The following INTS9 variants were observed in gnomAD, a reference collection of about 807,000 sequenced individuals.
The protein encoded by INTS9 is integrator complex subunit 9, also known as protein related to CPSF subunits of 74 kDa.
A neutral mutation model predicts 79.7 loss-of-function variants in INTS9; 55 were observed. That is an observed-to-expected ratio of 0.69 (90% CI 0.56 to 0.86). INTS9 has a LOEUF of 0.86. INTS9 is among the 40% of genes least tolerant of loss of function. The pLI, the probability that INTS9 is intolerant of heterozygous loss-of-function variation, is 0.00. For synonymous variants in INTS9, 319 were observed against 325.2 expected (o/e 0.98, Z 0.20); for missense variants, 721 against 831.5 (o/e 0.87, Z 1.64).
At chr8:28,781,451 G>C (rs1803259909) in intron 11 of INTS9, among the ~76,000 whole-genome samples, 2 of 152,160 alleles carry the variant, frequency 1.3e-5, no homozygotes, top group Non-Finnish European at 1.5e-5. Context: ...AATGCAAAAG[G>C]ATACAGCCAC....
intron 9 of INTS9, 91 bp downstream of exon 9, chr8:28,796,453 C>A: frequency 1.4e-6 from 1 of 732,156 alleles, no homozygotes; most frequent in Admixed American, 2.4e-5. Flanking sequence ...TGTAAGCACT[C>A]CTTCCCCCAT....
intron 1 of INTS9, among the ~76,000 whole-genome samples, chr8:28,868,916 T>A (rs542068526): frequency 6.6e-6 from 1 of 152,130 alleles, no homozygotes; most frequent in East Asian, 1.9e-4. Flanking sequence ...CTGGCCAACA[T>A]GGCGAAACCC....
chr8:28,877,395 C>G (rs1809455958), intron 1 of INTS9, among the ~76,000 whole-genome samples: 1 of 151,830 alleles, frequency 6.6e-6, no homozygotes, highest in South Asian at 2.1e-4. Flanking sequence ...TTTCACTTTT[C>G]AGTGAGAAAA....
intron 1 of INTS9, among the ~76,000 whole-genome samples, chr8:28,878,376 G>A (rs569987460): frequency 1.3e-5 from 2 of 151,806 alleles, no homozygotes; most frequent in Admixed American, 1.3e-4. Flanking sequence ...GCAGTGGAGC[G>A]ATCATGGTTA....
intron 1 of INTS9, among the ~76,000 whole-genome samples, chr8:28,866,049 A>G (rs150303328): frequency 1.1e-3 from 161 of 152,256 alleles, no homozygotes; most frequent in African/African-American, 3.8e-3. Flanking sequence ...TATTTAGCCA[A>G]TGGGTTAAAT....
At chr8:28,834,956 C>A (rs186076915) in intron 6 of INTS9, among the ~76,000 whole-genome samples, 1 of 152,104 alleles carries the variant, frequency 6.6e-6, no homozygotes, top group African/African-American at 2.4e-5. Flanking sequence ...GGATTACAGG[C>A]GTGAGTCACC....
chr8:28,786,933 G>A lies in INTS9; in HGVS notation c.1098+896C>T, dbSNP rs191453902. On this transcript the variant is annotated intron_variant, in intron 11 of 16. Coordinates refer to ENST00000521022, the MANE Select transcript of INTS9 (RefSeq NM_018250.4). Reference sequence around the variant, plus strand: ...GGGGTTTCACTGTGTTAGCCAGGATGGTCTCGATCTCCTGACCTTGTGATC... The same window carrying A: ...GGGGTTTCACTGTGTTAGCCAGGATAGTCTCGATCTCCTGACCTTGTGATC... Among the ~76,000 whole-genome samples, 50 of 152,042 alleles carry A rather than the reference G, an allele frequency of 3.3e-4. No homozygotes were observed. The East Asian group carries it at 9.2e-3, about 28-fold the overall frequency.
At chr8:28,824,936 G>C (rs753547759) in intron 6 of INTS9, among the ~76,000 whole-genome samples, 1 of 152,156 alleles carries the variant, frequency 6.6e-6, no homozygotes. Flanking sequence ...GAAATGTCTG[G>C]TGCAGAAGAG....
chr8:28,857,592 T>A (rs1204838017), intron 2 of INTS9, among the ~76,000 whole-genome samples: 1 of 152,164 alleles, frequency 6.6e-6, no homozygotes, highest in East Asian at 1.9e-4. Flanking sequence ...ACCAAAGATA[T>A]AATAATTTAA....
intron 4 of INTS9, among the ~76,000 whole-genome samples, chr8:28,840,569 T>A (rs1807116894): frequency 7.8e-6 from 1 of 128,162 alleles, no homozygotes; most frequent in Non-Finnish European, 1.7e-5. Flanking sequence ...TAGACTGGAT[T>A]AAGAAAATGT....
chr8:28,815,513 C>T (rs1011155583), intron 6 of INTS9, among the ~76,000 whole-genome samples: 16 of 152,210 alleles, frequency 1.1e-4, no homozygotes, highest in Non-Finnish European at 1.6e-4. Context: ...GCAAACATGA[C>T]GCTTAAAGGA....
At chr8:28,843,437 G>C (rs886094464) in intron 4 of INTS9, among the ~76,000 whole-genome samples, 1 of 152,140 alleles carries the variant, frequency 6.6e-6, no homozygotes, top group Admixed American at 6.6e-5. Flanking sequence ...TTTCTTAATG[G>C]CATCTAGGAA....
At chr8:28,867,183 G>A (rs1410596510) in intron 1 of INTS9, among the ~76,000 whole-genome samples, 1 of 152,162 alleles carries the variant, frequency 6.6e-6, no homozygotes, top group African/African-American at 2.4e-5. Context: ...AGCACTTTGG[G>A]AGGCCAAGGC....
At position 28,775,838 on chromosome 8, in the gene INTS9, G is replaced by C; in HGVS notation, c.1484C>G (p.Pro495Arg). The part of the protein sequence containing the change: ...RMDLMIDCQP[P>R]AMSYRRAEVL... ...CTCAGCCCGCCGATAGGACATGGCG[G>C]GGGGCTGGCAGTCGATCATGAGGTC... The change falls in exon 14 of 17, where the codon CCC (proline) becomes CGC (arginine). Residue 495 changes from proline (P) to arginine (R), a missense_variant. Pro to Arg is a moderately radical substitution (Grantham distance 103). This residue lies in a region of INTS9 where 281 missense variants were observed against 300.8 expected (regional missense o/e 0.93). Coordinates refer to ENST00000521022, the MANE Select transcript of INTS9 (RefSeq NM_018250.4). 1.2e-6 allele frequency: 2 copies of C among 1,613,888 alleles called. No individual in the cohort carries two copies. The highest frequency in any genetic ancestry group is 1.7e-6 in the Non-Finnish European group (2 of 1,179,896).
chr8:28,836,324 T>G (rs1344653566), intron 5 of INTS9, among the ~76,000 whole-genome samples: 1 of 152,168 alleles, frequency 6.6e-6, no homozygotes, highest in Non-Finnish European at 1.5e-5. Context: ...ACACAGGCTT[T>G]GGGGATTCAC....
In INTS9 at chr8:28,837,860, C is replaced by T. The variant is rs76570351; in HGVS notation, c.262-84G>A. ...ACTAAAAAACGACGTTGTCAGAATG[C>T]AGAGAAGTAGTTTTTGTATTGCAGA... On this transcript the variant is annotated intron_variant, in intron 4 of 16. Coordinates refer to ENST00000521022, the MANE Select transcript of INTS9 (RefSeq NM_018250.4). 23 of 1,345,948 alleles carry T rather than the reference C, an allele frequency of 1.7e-5. No homozygotes were observed. The East Asian group carries it at 5.5e-4, about 32-fold the overall frequency. 83.4% of individuals were successfully genotyped at this position (1,345,948 alleles called of 1,614,324 possible).
chr8:28,792,642 A>G (rs1324402863), intron 10 of INTS9, among the ~76,000 whole-genome samples: 1 of 152,130 alleles, frequency 6.6e-6, no homozygotes, highest in Admixed American at 6.5e-5. Context: ...GGGTGGGCGC[A>G]GTGGCTCATG....
intron 16 of INTS9, chr8:28,769,622 C>T (rs546860934): frequency 9.8e-6 from 4 of 408,638 alleles, no homozygotes; most frequent in African/African-American, 4.1e-5. Context: ...CTGCCCCACT[C>T]GTCACATGTG....
At chr8:28,784,945 G>T (rs1803492973) in intron 11 of INTS9, among the ~76,000 whole-genome samples, 1 of 152,178 alleles carries the variant, frequency 6.6e-6, no homozygotes, top group Non-Finnish European at 1.5e-5. Flanking sequence ...ACATCTATCT[G>T]TCACATCTCT....
Sources: gnomAD v4.1 joint callset for allele counts (sites outside exome capture counted in the v4.1 genomes callset) on GRCh38, gnomAD v4.1.1 for gene constraint, gnomAD v4.1.1 regional missense constraint, MANE v1.5 for transcripts, NCBI Gene and HGNC (gene_info 2026-07-23, HGNC 2026-07-21) for gene names.